PTCHD4: variants seen among roughly 807,000 people sequenced by gnomAD.
PTCHD4 encodes patched domain containing 4, also known as patched domain-containing protein 4.
In PTCHD4, 33 loss-of-function variants were observed where a neutral mutation model predicts 58.1. The observed-to-expected ratio is 0.57, with a 90% confidence interval of 0.43 to 0.76. PTCHD4 has a LOEUF of 0.76. Ranked by LOEUF, PTCHD4 falls within the 30% of genes least tolerant of loss-of-function variation. The pLI is 0.00. For synonymous variants in PTCHD4, 478 were observed against 409.6 expected (o/e 1.17, Z -2.02); for missense variants, 1,058 against 1,027.1 (o/e 1.03, Z -0.41).
chr6:48,074,180 C>T (rs888220350), intron 1 of PTCHD4, among the ~76,000 whole-genome samples: 1 of 151,944 alleles, frequency 6.6e-6, no homozygotes, highest in African/African-American at 2.4e-5. Context: ...TAACGTTTTA[C>T]ATTTTAGAGG....
chr6:47,974,164 T>C (rs1267667596), intron 4 of PTCHD4, among the ~76,000 whole-genome samples: 4 of 152,214 alleles, frequency 2.6e-5, no homozygotes, highest in African/African-American at 9.6e-5. Context: ...AACAATTTTC[T>C]ACTTGTTAAT....
chr6:48,058,541 G>A (rs1212878671), intron 3 of PTCHD4, among the ~76,000 whole-genome samples: 1 of 152,084 alleles, frequency 6.6e-6, no homozygotes, highest in Non-Finnish European at 1.5e-5. Flanking sequence ...AGAATATTAA[G>A]AGAATGGATT....
chr6:47,983,460 T>A (rs1011611289), intron 4 of PTCHD4, among the ~76,000 whole-genome samples: 1 of 152,300 alleles, frequency 6.6e-6, no homozygotes, highest in South Asian at 2.1e-4. Flanking sequence ...TTTAAAGGCA[T>A]GACATTAAAA....
At chr6:47,896,966 C>G (rs1175194651) in intron 4 of PTCHD4, among the ~76,000 whole-genome samples, 2 of 152,124 alleles carry the variant, frequency 1.3e-5, no homozygotes, top group African/African-American at 2.4e-5. Context: ...GTCTTGCCAT[C>G]ATTACTGTAT....
chr6:48,091,991 A>C (rs2113903216), intron 1 of PTCHD4, among the ~76,000 whole-genome samples: 1 of 147,046 alleles, frequency 6.8e-6, no homozygotes, highest in South Asian at 2.4e-4. Context: ...ACACATACAC[A>C]TACACACACA....
intron 4 of PTCHD4, among the ~76,000 whole-genome samples, chr6:47,982,552 G>T (rs1238614553): frequency 6.8e-6 from 1 of 147,792 alleles, no homozygotes; most frequent in South Asian, 2.1e-4. Flanking sequence ...GCAGTGGCGC[G>T]ATCTCAGCTC....
At chr6:48,050,585 G>T (rs907886884) in intron 3 of PTCHD4, among the ~76,000 whole-genome samples, 7 of 152,062 alleles carry the variant, frequency 4.6e-5, no homozygotes, top group African/African-American at 1.4e-4. Flanking sequence ...ATAATATAGT[G>T]CTCTAAGGGC....
intron 4 of PTCHD4, among the ~76,000 whole-genome samples, chr6:47,915,474 G>A (rs1398690455): frequency 2.6e-5 from 4 of 151,998 alleles, no homozygotes; most frequent in East Asian, 1.9e-4. Context: ...AGCATCTTTC[G>A]CAGATTAAAG....
At chr6:47,994,506 G>A (rs1410216422) in intron 4 of PTCHD4, among the ~76,000 whole-genome samples, 1 of 152,076 alleles carries the variant, frequency 6.6e-6, no homozygotes, top group African/African-American at 2.4e-5. Context: ...GTACAGAGAA[G>A]GCAAAAGAGA....
chr6:48,022,600 A>G (rs925148853), intron 3 of PTCHD4, among the ~76,000 whole-genome samples: 1 of 152,106 alleles, frequency 6.6e-6, no homozygotes, highest in Non-Finnish European at 1.5e-5. Context: ...CTTTTCTCAG[A>G]ATAGGAGACG....
intron 4 of PTCHD4, among the ~76,000 whole-genome samples, chr6:47,902,695 T>C (rs1188482054): frequency 6.6e-6 from 1 of 152,216 alleles, no homozygotes; most frequent in Non-Finnish European, 1.5e-5. Flanking sequence ...TACATATAAA[T>C]GAATTCACGT....
intron 1 of PTCHD4, among the ~76,000 whole-genome samples, chr6:48,090,559 A>G (rs887950453): frequency 2.6e-5 from 4 of 152,272 alleles, no homozygotes; most frequent in African/African-American, 9.6e-5. Flanking sequence ...TCCAAAGCCT[A>G]TGATTTTTTC....
chr6:47,933,315 A>AC (rs1323277332), intron 4 of PTCHD4, among the ~76,000 whole-genome samples: 1 of 152,244 alleles, frequency 6.6e-6, no homozygotes, highest in Non-Finnish European at 1.5e-5. Flanking sequence ...AGCAAATAAT[A>AC]GTCATTACTG....
chr6:48,105,501 A>G (rs1352397992), intron 1 of PTCHD4, among the ~76,000 whole-genome samples: 2 of 152,246 alleles, frequency 1.3e-5, no homozygotes, highest in Non-Finnish European at 2.9e-5. Context: ...AAAGCAGGAA[A>G]GATCTAAAAT....
intron 1 of PTCHD4, among the ~76,000 whole-genome samples, chr6:48,088,253 G>A (rs1413488154): frequency 6.6e-6 from 1 of 151,936 alleles, no homozygotes; most frequent in African/African-American, 2.4e-5. Context: ...TGGAAGGGTG[G>A]GTCCCCTAAA....
chr6:47,903,865 G>T (rs986820762), intron 4 of PTCHD4, among the ~76,000 whole-genome samples: 1 of 152,190 alleles, frequency 6.6e-6, no homozygotes, highest in Non-Finnish European at 1.5e-5. Context: ...GTGAGTGGTG[G>T]ATTTTTGATA....
chr6:47,880,609 G>A (rs1763992485), intron 4 of PTCHD4, among the ~76,000 whole-genome samples: 2 of 152,054 alleles, frequency 1.3e-5, no homozygotes, highest in Admixed American at 1.3e-4. Flanking sequence ...CACTTCCTTT[G>A]GGCTCCTCAT....
At chr6:47,992,519 T>G (rs1488697850) in intron 4 of PTCHD4, among the ~76,000 whole-genome samples, 4 of 152,198 alleles carry the variant, frequency 2.6e-5, no homozygotes, top group Non-Finnish European at 2.9e-5. Flanking sequence ...TGTGTCAACA[T>G]ATAGCTATTA....
At chr6:48,043,956 C>A (rs573206595) in intron 3 of PTCHD4, among the ~76,000 whole-genome samples, 5 of 151,668 alleles carry the variant, frequency 3.3e-5, no homozygotes, top group African/African-American at 7.3e-5. Context: ...AGAATTAGAA[C>A]GTAAAAACTG....
Sources: allele counts gnomAD v4.1 joint callset (sites outside exome capture counted in the v4.1 genomes callset), GRCh38; gene constraint gnomAD v4.1.1; transcripts MANE v1.5; gene names NCBI Gene and HGNC (gene_info 2026-07-23, HGNC 2026-07-21).